INPP5D: variants seen among roughly 807,000 people sequenced by gnomAD.
INPP5D encodes inositol polyphosphate-5-phosphatase D.
In INPP5D, 33 loss-of-function variants were observed where a neutral mutation model predicts 122.9. The ratio of observed to expected loss-of-function variants is 0.27; its 90% CI spans 0.20 to 0.36. The LOEUF is 0.36. INPP5D is among the 10% of genes least tolerant of loss of function. The pLI is 1.00. For missense variants in INPP5D, 1,053 were observed against 1,412.7 expected (o/e 0.75, Z 4.08); for synonymous variants, 584 against 576.2 (o/e 1.01, Z -0.19).
intron 22 of INPP5D, among the ~76,000 whole-genome samples, chr2:233,191,930 C>T (rs1481426341): frequency 2.0e-5 from 3 of 152,206 alleles, no homozygotes; most frequent in African/African-American, 4.8e-5. Flanking sequence ...TCTGCCAACA[C>T]CTGGGTGTGG....
rs187618634 is a variant in INPP5D, at chr2:233,111,302, T to C, written c.199-10805T>C. Among the ~76,000 whole-genome samples, 10 of 152,310 alleles carry C rather than the reference T, an allele frequency of 6.6e-5. No individual in the cohort carries two copies. In the East Asian group the frequency reaches 1.7e-3, roughly 26 times the overall value. On this transcript the variant is annotated intron_variant, in intron 2 of 26. Coordinates refer to ENST00000445964, the MANE Select transcript of INPP5D (RefSeq NM_001017915.3). ...ATGTTTTTAGTAGTCTCAATAACAA[T>C]ATATACATCTATTATTTACATATTT...
chr2:233,185,800 C>G lies in INPP5D; in HGVS notation c.2276-43C>G, dbSNP rs1351562632. ...CCCAGGGAGTCTTTTCTGTCTGGTT[C>G]TTGCTCTGTTTTCTGAAAACCAGCC... On this transcript the variant is annotated intron_variant, in intron 20 of 26. Transcript: ENST00000445964. 2.6e-6 allele frequency: 4 copies of G among 1,532,108 alleles called. No homozygotes were observed. In the Admixed American group the frequency reaches 7.8e-5, roughly 30 times the overall value. The allele number at this position is 1,532,108 out of a possible 1,614,324, so 94.9% of individuals were successfully genotyped here. A position where few individuals can be genotyped will look rare whatever the true frequency, so the allele number is the denominator to read the frequency against.
In INPP5D at chr2:233,177,412, T is replaced by A. The variant is rs1387622413; in HGVS notation, c.2071+66T>A. 6.2e-7 allele frequency: 1 copy of A among 1,611,134 alleles called. No individual in the cohort carries two copies. Among genetic ancestry groups the A allele is most frequent in the Non-Finnish European group, 8.5e-7 (1 of 1,178,048 alleles). On this transcript the variant is annotated intron_variant, in intron 18 of 26. Transcript: ENST00000445964. This position sits in a 1 kb window ranked among gnomAD's most constrained non-coding sequence, Gnocchi z 4.2. ...ATGGCACCAAGCTGGGAGGTGTGAC[T>A]GCCCTAAAATCTAAGGGCTTCAGTC...
At chr2:233,130,206 T>G (rs973311329) in intron 4 of INPP5D, among the ~76,000 whole-genome samples, 9 of 152,156 alleles carry the variant, frequency 5.9e-5, no homozygotes, top group Non-Finnish European at 1.0e-4. Flanking sequence ...TGGTCTCCTT[T>G]TTAAAGTATA....
At chr2:233,190,717 A>G (rs1175853226) in intron 22 of INPP5D, among the ~76,000 whole-genome samples, 1 of 152,174 alleles carries the variant, frequency 6.6e-6, no homozygotes, top group Non-Finnish European at 1.5e-5. Context: ...CCCTTGCTAG[A>G]CCACATGTGT....
At chr2:233,157,033 A>G (rs543095504) in intron 9 of INPP5D, among the ~76,000 whole-genome samples, 2 of 152,224 alleles carry the variant, frequency 1.3e-5, no homozygotes, top group East Asian at 3.8e-4. Context: ...AGATGATGGA[A>G]CAAGGTTCCA....
intron 25 of INPP5D, among the ~76,000 whole-genome samples, chr2:233,203,592 A>G (rs543071709): frequency 2.0e-5 from 3 of 152,306 alleles, no homozygotes; most frequent in African/African-American, 7.2e-5. Flanking sequence ...TAACCATTTC[A>G]AAATGAACAG....
At chr2:233,166,658 A>G (rs917988377) in intron 13 of INPP5D, among the ~76,000 whole-genome samples, 2 of 152,006 alleles carry the variant, frequency 1.3e-5, no homozygotes, top group Non-Finnish European at 2.9e-5. Flanking sequence ...CTCCCCTGAA[A>G]TGGCTCCCAG....
intron 11 of INPP5D, 84 bp from the exon 12 acceptor site, chr2:233,163,623 A>G: frequency 6.3e-7 from 1 of 1,594,304 alleles, no homozygotes; most frequent in Non-Finnish European, 8.5e-7. Flanking sequence ...CCTCCCTCAC[A>G]CTCCCGCCCT....
At chr2:233,194,024 TTC>T in intron 23 of INPP5D, 63 bp downstream of exon 23, 2 of 1,492,836 alleles carry the variant, frequency 1.3e-6, no homozygotes, top group South Asian at 1.4e-5. Flanking sequence ...GGAACGTGCT[TTC>T]TCTCAGCAAA....
In INPP5D at chr2:233,183,720, G is replaced by T. The variant is rs1694839807; in HGVS notation, c.2162-688G>T. On this transcript the variant is annotated intron_variant, in intron 19 of 26. Coordinates refer to ENST00000445964, the MANE Select transcript of INPP5D (RefSeq NM_001017915.3). This position sits in a 1 kb window ranked among gnomAD's most constrained non-coding sequence, Gnocchi z 4.6. ...GAGCATTGACAGGGCATCTACCTAA[G>T]CCAAGCCTGGACTGGGCACTGTGGG... 6.6e-6 allele frequency among the ~76,000 whole-genome samples: 1 copy of T among 152,232 alleles called. No individual in the cohort carries two copies. The highest frequency in any genetic ancestry group is 2.1e-4 in the South Asian group (1 of 4,830).
chr2:233,137,856 ATAT>A lies in INPP5D; in HGVS notation c.666-1985_666-1983del, dbSNP rs1693520311. Among the ~76,000 whole-genome samples, 10 of 14,374 alleles carry A rather than the reference ATAT, an allele frequency of 7.0e-4. 1 individual carries two copies. Among genetic ancestry groups the A allele is most frequent in the African/African-American group, 1.3e-3 (6 of 4,468 alleles). The allele number at this position is 14,374 out of a possible 152,430, so 9.4% of individuals were successfully genotyped here. A position where few individuals can be genotyped will look rare whatever the true frequency, so the allele number is the denominator to read the frequency against. ...ACAAAAAAAAAAAAAAAAAAAAAAT[ATAT>A]ATATATATATATATATATATATATA... On this transcript the variant is annotated intron_variant, in intron 5 of 26. Coordinates refer to ENST00000445964, the MANE Select transcript of INPP5D (RefSeq NM_001017915.3).
chr2:233,145,963 A>G (rs1018953628), intron 6 of INPP5D, 199 bp from the exon 7 acceptor site: 1 of 697,240 alleles, frequency 1.4e-6, no homozygotes, highest in Non-Finnish European at 2.6e-6. Flanking sequence ...AGAAATGAAG[A>G]TCTATTTTTT....
rs549456626 is a variant in INPP5D, at chr2:233,060,664, A to G, written c.134+52A>G. 2.1e-5 allele frequency: 34 copies of G among 1,603,532 alleles called. No homozygotes were observed. The African/African-American group carries it at 2.7e-4, about 13-fold the overall frequency. ...GCACAGATATGACAGAGGGGCTTAG[A>G]GGGGGCCCAGCTTTGAGATGGGTTG... On this transcript the variant is annotated intron_variant, in intron 1 of 26. Transcript: ENST00000445964.
chr2:233,178,376 C>T (rs1429853651), intron 18 of INPP5D, among the ~76,000 whole-genome samples: 1 of 152,124 alleles, frequency 6.6e-6, no homozygotes, highest in Non-Finnish European at 1.5e-5. Context: ...TGATTAGTTC[C>T]CATTACTTAC....
chr2:233,137,170 G>A (rs1310751975), intron 5 of INPP5D, among the ~76,000 whole-genome samples: 1 of 151,998 alleles, frequency 6.6e-6, no homozygotes, highest in Non-Finnish European at 1.5e-5. Flanking sequence ...AATGCATATT[G>A]TTTCAGTAAC....
chr2:233,145,184 A>G (rs1284980145), intron 6 of INPP5D: 10 of 455,638 alleles, frequency 2.2e-5, no homozygotes, highest in Middle Eastern at 3.2e-4. Flanking sequence ...TGCTTTGTAA[A>G]TGTTTCTTCT....
chr2:233,070,324 G>A (rs553366470), intron 1 of INPP5D, among the ~76,000 whole-genome samples: 7 of 151,294 alleles, frequency 4.6e-5, no homozygotes, highest in Non-Finnish European at 8.8e-5. Context: ...TTCTCCCTTC[G>A]CTTTTCAATG....
chr2:233,204,004 G>A (rs1002534941), intron 25 of INPP5D, 122 bp from the exon 26 acceptor site: 31 of 1,379,662 alleles, frequency 2.2e-5, no homozygotes, highest in Admixed American at 1.0e-4. Context: ...AATGTTACAT[G>A]TCTCTATCTA....
Sources: gnomAD v4.1 joint callset for allele counts (sites outside exome capture counted in the v4.1 genomes callset) on GRCh38, gnomAD v4.1.1 for gene constraint, Gnocchi (gnomAD v3.1) non-coding constraint, MANE v1.5 for transcripts, NCBI Gene and HGNC (gene_info 2026-07-23, HGNC 2026-07-21) for gene names.